Variants in THSD7B observed in about 807,000 individuals in gnomAD.
THSD7B encodes the protein thrombospondin type 1 domain containing 7B, also known as thrombospondin type-1 domain-containing protein 7B.
Under a neutral mutation model 213.6 loss-of-function variants are expected in THSD7B, and 138 were observed. The observed-to-expected ratio is 0.65, with a 90% CI of 0.56 to 0.74. The LOEUF (loss-of-function observed/expected upper bound fraction) is 0.74, where lower values mean the gene tolerates loss of function less well. THSD7B is among the 30% of genes least tolerant of loss of function. The pLI is 0.00. For synonymous variants in THSD7B, 742 were observed against 687.0 expected (o/e 1.08, Z -1.25); for missense variants, 1,931 against 1,991.5 (o/e 0.97, Z 0.58).
chr2:137,569,030 T>C (rs1681299750), intron 16 of THSD7B, among the ~76,000 whole-genome samples: 1 of 152,104 alleles, frequency 6.6e-6, no homozygotes, highest in South Asian at 2.1e-4. Context: ...GATTGTCCAG[T>C]GGGAAAAATG....
chr2:137,016,070 A>G (rs1686334180), intron 2 of THSD7B, among the ~76,000 whole-genome samples: 1 of 152,146 alleles, frequency 6.6e-6, no homozygotes. Flanking sequence ...TGCTTACTGT[A>G]TGTCAGCCAC....
intron 17 of THSD7B, among the ~76,000 whole-genome samples, chr2:137,604,600 A>T (rs352184): frequency 0.54 from 82,010 of 152,080 alleles, 25,122 homozygotes; most frequent in African/African-American, 0.85. Context: ...AATGTAAAAA[A>T]TCACTTATTC....
chr2:137,356,386 A>G (rs1180886664), intron 12 of THSD7B, among the ~76,000 whole-genome samples: 1 of 152,052 alleles, frequency 6.6e-6, no homozygotes, highest in Non-Finnish European at 1.5e-5. Flanking sequence ...ATCAGATAAC[A>G]TCCTTTTTGG....
chr2:137,286,029 G>A (rs916318064), intron 12 of THSD7B, among the ~76,000 whole-genome samples: 25 of 151,436 alleles, frequency 1.7e-4, no homozygotes, highest in Admixed American at 2.6e-4. Flanking sequence ...ACTTGAACCC[G>A]GGAGGTGGAA....
chr2:137,417,858 T>A (rs1375110269), intron 14 of THSD7B, among the ~76,000 whole-genome samples: 1 of 152,230 alleles, frequency 6.6e-6, no homozygotes, highest in Non-Finnish European at 1.5e-5. Flanking sequence ...TGAATAATTA[T>A]ATTATATCCT....
chr2:136,838,076 A>G (rs1682870656), intron 1 of THSD7B, among the ~76,000 whole-genome samples: 1 of 152,244 alleles, frequency 6.6e-6, no homozygotes, highest in Non-Finnish European at 1.5e-5. Context: ...TCATACATGT[A>G]GAGCTCTTGG....
intron 2 of THSD7B, among the ~76,000 whole-genome samples, chr2:137,040,797 T>A (rs1281985371): frequency 6.6e-6 from 1 of 152,204 alleles, no homozygotes; most frequent in Non-Finnish European, 1.5e-5. Flanking sequence ...TTACTGAGCC[T>A]ACATCTGTCT....
intron 7 of THSD7B, among the ~76,000 whole-genome samples, chr2:137,209,524 T>C (rs1681055530): frequency 1.3e-5 from 2 of 152,152 alleles, no homozygotes; most frequent in South Asian, 4.1e-4. Context: ...ATTACTATTA[T>C]AGCTATGATT....
At chr2:137,282,162 G>A (rs1384560673) in intron 12 of THSD7B, among the ~76,000 whole-genome samples, 1 of 151,982 alleles carries the variant, frequency 6.6e-6, no homozygotes, top group African/African-American at 2.4e-5. Flanking sequence ...CAGTGATGAT[G>A]AGCATTTTTT....
intron 17 of THSD7B, among the ~76,000 whole-genome samples, chr2:137,581,960 TTGG>T (rs1188089874): frequency 6.7e-6 from 1 of 150,322 alleles, no homozygotes; most frequent in Non-Finnish European, 1.5e-5. Context: ...GCCAGATGTG[TTGG>T]TGGACACCTG....
At chr2:137,293,318 G>T (rs1272968005) in intron 12 of THSD7B, among the ~76,000 whole-genome samples, 1 of 151,648 alleles carries the variant, frequency 6.6e-6, no homozygotes, top group Non-Finnish European at 1.5e-5. Context: ...TTTGTATTTT[G>T]GGTAGAAACG....
intron 12 of THSD7B, among the ~76,000 whole-genome samples, chr2:137,385,872 A>T (rs1429085252): frequency 6.6e-6 from 1 of 152,324 alleles, no homozygotes; most frequent in East Asian, 1.9e-4. Context: ...GAACTAATTT[A>T]TTACACCTTT....
At chr2:136,779,198 A>ATATGTG (rs1491418061) in intron 1 of THSD7B, among the ~76,000 whole-genome samples, 1 of 55,142 alleles carries the variant, frequency 1.8e-5, no homozygotes. Context: ...ATATATATAT[A>ATATGTG]TGTGTGTGTG....
At chr2:137,137,002 T>C (rs1679479998) in intron 5 of THSD7B, among the ~76,000 whole-genome samples, 1 of 152,226 alleles carries the variant, frequency 6.6e-6, no homozygotes, top group Admixed American at 6.5e-5. Flanking sequence ...TGTCCTGAGA[T>C]GACAGTTCCT....
chr2:137,331,954 G>C (rs781224528), intron 12 of THSD7B, among the ~76,000 whole-genome samples: 2 of 152,200 alleles, frequency 1.3e-5, no homozygotes, highest in South Asian at 2.1e-4. Context: ...GCCCACAAGC[G>C]CCGCACACAG....
At chr2:137,208,599 G>A (rs1206932226) in intron 7 of THSD7B, among the ~76,000 whole-genome samples, 1 of 151,990 alleles carries the variant, frequency 6.6e-6, no homozygotes, top group Non-Finnish European at 1.5e-5. Context: ...CAGGACTGGA[G>A]GTATCCCTCA....
At chr2:137,240,729 A>G (rs1049525160) in intron 9 of THSD7B, among the ~76,000 whole-genome samples, 1 of 152,090 alleles carries the variant, frequency 6.6e-6, no homozygotes, top group Non-Finnish European at 1.5e-5. Flanking sequence ...TGCCCAGGCT[A>G]GTGTTTAACT....
rs768623175 is a variant in THSD7B, at chr2:137,620,732, G to T, written c.3799+6G>T. 1.0e-5 allele frequency: 16 copies of T among 1,607,324 alleles called. No homozygotes were observed. The highest frequency in any genetic ancestry group is 8.4e-5 in the Admixed American group (5 of 59,708). On this transcript the variant is annotated splice_donor_region_variant and intron_variant, in intron 20 of 27. Coordinates refer to ENST00000409968, the MANE Select transcript of THSD7B (RefSeq NM_001316349.2). ...ACAGACCTGTGGCCATGGAGGTATT[G>T]GTTTCCCCATATTTCCCACTAACTA...
chr2:137,467,276 G>C (rs1688014580), intron 15 of THSD7B, among the ~76,000 whole-genome samples: 1 of 152,174 alleles, frequency 6.6e-6, no homozygotes, highest in Non-Finnish European at 1.5e-5. Context: ...TAGGCTCTGT[G>C]GGGTGGTGAC....
Sources: allele counts gnomAD v4.1 joint callset (sites outside exome capture counted in the v4.1 genomes callset), GRCh38; gene constraint gnomAD v4.1.1; transcripts MANE v1.5; gene names NCBI Gene and HGNC (gene_info 2026-07-23, HGNC 2026-07-21).